Variants in CRB1 observed in about 807,000 individuals in gnomAD.
The protein encoded by CRB1 is crumbs cell polarity complex component 1, also known as protein crumbs homolog 1.
Under a neutral mutation model 120.0 loss-of-function variants are expected in CRB1, and 83 were observed. The ratio of observed to expected loss-of-function variants is 0.69; its 90% CI spans 0.58 to 0.83. CRB1 has a LOEUF of 0.83. Among genes scored for constraint, CRB1 ranks in the 40% least tolerant of loss-of-function variants. The pLI, the probability that CRB1 is intolerant of heterozygous loss-of-function variation, is 0.00. For missense variants in CRB1, 1,699 were observed against 1,687.6 expected (o/e 1.01, Z -0.12); for synonymous variants, 625 against 612.5 (o/e 1.02, Z -0.30).
At chr1:197,281,964 T>TA (rs917726497) in intron 1 of CRB1, among the ~76,000 whole-genome samples, 10 of 150,830 alleles carry the variant, frequency 6.6e-5, no homozygotes, top group Non-Finnish European at 1.5e-4. Flanking sequence ...AAGAGTATAA[T>TA]AAAAAAAATT....
intron 7 of CRB1, 114 bp from the exon 8 acceptor site, chr1:197,429,335 T>G: frequency 7.1e-7 from 1 of 1,418,144 alleles, no homozygotes; most frequent in Non-Finnish European, 9.9e-7. Flanking sequence ...AAGTTTAAAA[T>G]GTAAAGATGC....
chr1:197,209,889 C>A, the CRB1 span, among the ~76,000 whole-genome samples: 1 of 152,182 alleles, frequency 6.6e-6, no homozygotes, highest in African/African-American at 2.4e-5. Flanking sequence ...GGCAGATGAT[C>A]CCCCTTTTAC....
At chr1:197,456,653 T>A (rs950929150) in intron 11 of CRB1, among the ~76,000 whole-genome samples, 1 of 152,090 alleles carries the variant, frequency 6.6e-6, no homozygotes, top group African/African-American at 2.4e-5. Flanking sequence ...TGAATTAGAA[T>A]TTGATATAAA....
intron 5 of CRB1, among the ~76,000 whole-genome samples, chr1:197,367,030 G>T (rs1571407427): frequency 6.6e-6 from 1 of 152,152 alleles, no homozygotes; most frequent in African/African-American, 2.4e-5. Context: ...TTAAATGTCT[G>T]TGCATTTACT....
At chr1:197,245,862 C>T in the CRB1 span, among the ~76,000 whole-genome samples, 5 of 152,006 alleles carry the variant, frequency 3.3e-5, no homozygotes, top group Non-Finnish European at 5.9e-5. Flanking sequence ...CTGTGGCCTC[C>T]GCTGATGTTT....
intron 3 of CRB1, among the ~76,000 whole-genome samples, chr1:197,345,066 A>G (rs1326341382): frequency 6.6e-6 from 1 of 152,238 alleles, no homozygotes; most frequent in East Asian, 1.9e-4. Flanking sequence ...TCTCAATATG[A>G]TGAATATAAT....
At chr1:197,364,173 A>G (rs1047839302) in intron 5 of CRB1, 9 of 508,620 alleles carry the variant, frequency 1.8e-5, no homozygotes, top group Non-Finnish European at 3.1e-5. Flanking sequence ...TCTTTTTTTT[A>G]TACAATCCCA....
chr1:197,455,113 T>C (rs79722641), intron 11 of CRB1, among the ~76,000 whole-genome samples: 1,673 of 152,268 alleles, frequency 0.011, 28 homozygotes, highest in African/African-American at 0.038. Flanking sequence ...TTAATAATTA[T>C]TCTAGGACAG....
intron 1 of CRB1, among the ~76,000 whole-genome samples, chr1:197,305,917 CA>C: frequency 7.3e-6 from 1 of 137,660 alleles, no homozygotes; most frequent in Non-Finnish European, 1.6e-5. Context: ...AAAAAAAAAA[CA>C]AAAAGCAAGA....
chr1:197,345,739 C>T (rs956108081), intron 3 of CRB1, among the ~76,000 whole-genome samples: 10 of 152,024 alleles, frequency 6.6e-5, no homozygotes, highest in Non-Finnish European at 1.2e-4. Context: ...AACTCCTGAC[C>T]GCAGGTGATC....
At chr1:197,389,918 C>T (rs1486990458) in intron 5 of CRB1, among the ~76,000 whole-genome samples, 3 of 152,016 alleles carry the variant, frequency 2.0e-5, no homozygotes, top group African/African-American at 2.4e-5. Context: ...CACCCTGCTG[C>T]GTGCTGAATG....
rs62645748 is a variant in CRB1 at position 197,434,706 on chromosome 1, G to A, written c.2843G>A (p.Cys948Tyr). ...QCQPVLQGFE[C>Y]IANAVFNGQS... is the part of the protein sequence containing the mutation. ...GATTATTATCACCTTCTCTCATTAGGTATTGCAAATGCTGTTTTTAATGGA... is the reference window on the plus strand; with the variant it reads ...GATTATTATCACCTTCTCTCATTAGATATTGCAAATGCTGTTTTTAATGGA... The change falls in exon 9 of 12, where the codon TGT (cysteine) becomes TAT (tyrosine). Residue 948 changes from cysteine (C) to tyrosine (Y), a missense_variant and splice_region_variant. By Grantham distance (194) the Cys-to-Tyr change is radical (BLOSUM62 -2). Transcript: ENST00000367400. 538 of 1,611,346 alleles carry A rather than the reference G, an allele frequency of 3.3e-4. 1 individual carries two copies. The highest frequency in any genetic ancestry group is 4.3e-4 in the Non-Finnish European group (505 of 1,178,024).
At chr1:197,269,596 A>G (rs1211846813) in intron 1 of CRB1, among the ~76,000 whole-genome samples, 2 of 152,102 alleles carry the variant, frequency 1.3e-5, no homozygotes, top group Non-Finnish European at 2.9e-5. Flanking sequence ...TGTGGGCCCC[A>G]GGCAATGAGG....
the CRB1 span, among the ~76,000 whole-genome samples, chr1:197,219,423 A>G: frequency 2.6e-5 from 4 of 152,208 alleles, no homozygotes; most frequent in Non-Finnish European, 5.9e-5. Context: ...TGATAGTAAT[A>G]GTATGTACAT....
chr1:197,422,411 TC>T (rs1197374919), intron 6 of CRB1, among the ~76,000 whole-genome samples: 1 of 152,150 alleles, frequency 6.6e-6, no homozygotes, highest in African/African-American at 2.4e-5. Flanking sequence ...TTCCTTGCTC[TC>T]CTTTCCATGC....
intron 1 of CRB1, among the ~76,000 whole-genome samples, chr1:197,316,690 C>G (rs564236607): frequency 6.6e-6 from 1 of 152,196 alleles, no homozygotes; most frequent in Admixed American, 6.5e-5. Flanking sequence ...CACATTCAAA[C>G]TTTAAAATTC....
At chr1:197,236,757 T>C in the CRB1 span, among the ~76,000 whole-genome samples, 1 of 152,210 alleles carries the variant, frequency 6.6e-6, no homozygotes, top group Non-Finnish European at 1.5e-5. Context: ...AAAGGGTTTT[T>C]CTGCATTTAA....
chr1:197,297,868 A>G (rs1343278134), intron 1 of CRB1, among the ~76,000 whole-genome samples: 1 of 152,156 alleles, frequency 6.6e-6, no homozygotes, highest in African/African-American at 2.4e-5. Flanking sequence ...TAATTCAAAT[A>G]TCAAGACTTC....
At position 197,421,403 on chromosome 1, in the gene CRB1, C is replaced by T; in HGVS notation, c.1575C>T (p.Phe525=). The T allele has an allele frequency of 6.2e-7, 1 of 1,614,214 alleles. No individual in the cohort carries two copies. The highest frequency in any genetic ancestry group is 8.5e-7 in the Non-Finnish European group (1 of 1,180,040). ...TTCAGCCAATGGCTCTTCTACTTTT[C>T]CGAAGCAACAGGGATGTGTTTGTGA... ...QTVQPMALLL[F]RSNRDVFVKL... Residue 525 remains phenylalanine (F), a synonymous_variant, in exon 6 of 12, where the codon TTC becomes TTT. Transcript: ENST00000367400.
Sources: allele counts gnomAD v4.1 joint callset (sites outside exome capture counted in the v4.1 genomes callset), GRCh38; gene constraint gnomAD v4.1.1; transcripts MANE v1.5; gene names NCBI Gene and HGNC (gene_info 2026-07-23, HGNC 2026-07-21).